The following DDX1 variants were observed in gnomAD, a reference collection of about 807,000 sequenced individuals.
DDX1 encodes the protein DEAD-box helicase 1.
DDX1 carries 28 observed loss-of-function variants against 108.7 expected under a neutral mutation model. The ratio of observed to expected loss-of-function variants is 0.26; its 90% CI spans 0.19 to 0.35. The LOEUF is 0.35. DDX1 is among the 10% of genes least tolerant of loss of function. The probability of loss-of-function intolerance (pLI) is 1.00; values close to 1 mark genes in which losing one functional copy is unlikely to be tolerated. For missense variants in DDX1, 710 were observed against 884.5 expected, an observed-to-expected ratio of 0.80 and a Z score of 2.50; for synonymous variants, 295 against 288.9, an observed-to-expected ratio of 1.02 and a Z score of -0.21.
chr2:15,596,645 T>C, intron 3 of DDX1, 89 bp from the exon 4 acceptor site: 1 of 1,132,744 alleles, frequency 8.8e-7, no homozygotes, highest in Non-Finnish European at 1.3e-6. Flanking sequence ...GCCAGTCAAA[T>C]GTTAAAGATT....
At chr2:15,615,470 T>C (rs1665878256) in intron 14 of DDX1, among the ~76,000 whole-genome samples, 1 of 152,250 alleles carries the variant, frequency 6.6e-6, no homozygotes. Context: ...CCTGTCTCAG[T>C]GTTTGGCACA....
intron 3 of DDX1, among the ~76,000 whole-genome samples, chr2:15,596,308 G>A (rs1323688048): frequency 6.6e-6 from 1 of 151,722 alleles, no homozygotes; most frequent in African/African-American, 2.4e-5. Flanking sequence ...ATGTGTCTGA[G>A]GGGGGATAAA....
rs1357137895 is a variant in DDX1, at chr2:15,592,210, C to G, written c.16+261C>G. Among the ~76,000 whole-genome samples the G allele has an allele frequency of 3.9e-5, 6 of 152,340 alleles. No individual in the cohort carries two copies. In the East Asian group the frequency reaches 9.7e-4, roughly 25 times the overall value. ...CTTCTACCAGTCTCCACTTGGCTTT[C>G]CTGCCAGTGCACCTTCGGCTGCAAA... On this transcript the variant is annotated intron_variant, in intron 1 of 25. Coordinates refer to ENST00000233084, the MANE Select transcript of DDX1 (RefSeq NM_004939.3).
intron 13 of DDX1, among the ~76,000 whole-genome samples, chr2:15,607,625 C>T (rs996481895): frequency 3.9e-5 from 6 of 151,902 alleles, no homozygotes; most frequent in African/African-American, 7.3e-5. Flanking sequence ...CTCAATCTGT[C>T]GCCCAGGCTG....
intron 7 of DDX1, 92 bp from the exon 8 acceptor site, chr2:15,603,100 C>T (rs945628382): frequency 5.9e-5 from 48 of 816,912 alleles, no homozygotes; most frequent in Non-Finnish European, 1.8e-5. Flanking sequence ...TGGTACATAC[C>T]TGTGTAATTC....
chr2:15,620,108 G>T (rs1406886659), intron 16 of DDX1, 100 bp from the exon 17 acceptor site: 4 of 1,076,608 alleles, frequency 3.7e-6, no homozygotes, highest in Non-Finnish European at 4.1e-6. Flanking sequence ...CTTATCTTTG[G>T]AGTCTAGGCT....
intron 1 of DDX1, 105 bp downstream of exon 1, chr2:15,592,054 G>A: frequency 9.2e-7 from 1 of 1,085,526 alleles, no homozygotes; most frequent in Non-Finnish European, 1.2e-6. Context: ...AGGGGTCAGG[G>A]AGACAGAAGG....
At chr2:15,594,659 A>G (rs1256489306) in intron 1 of DDX1, among the ~76,000 whole-genome samples, 1 of 152,068 alleles carries the variant, frequency 6.6e-6, no homozygotes, top group Non-Finnish European at 1.5e-5. Flanking sequence ...CCACTTGTCT[A>G]TTCATTTTTT....
chr2:15,596,641 C>A, intron 3 of DDX1, 93 bp from the exon 4 acceptor site: 2 of 1,107,236 alleles, frequency 1.8e-6, no homozygotes, highest in Non-Finnish European at 2.7e-6. Flanking sequence ...GGTAGCCAGT[C>A]AAATGTTAAA....
chr2:15,615,501 G>A (rs1369107155), intron 14 of DDX1, among the ~76,000 whole-genome samples: 2 of 151,964 alleles, frequency 1.3e-5, no homozygotes, highest in African/African-American at 4.8e-5. Context: ...TTAATACATT[G>A]GACAGATTTT....
Position 15,605,989 on chromosome 2 carries a change from T to C in DDX1, c.665T>C (p.Met222Thr). The stretch of plus-strand genomic sequence containing the variant: ...CTGGCATTTGAAATACCACCACATA[T>C]GAAAAACCAAGCCCTCTTTCCTGCC... The part of the protein sequence containing the change: ...LGLAFEIPPH[M>T]KNQALFPACV... Residue 222 changes from methionine (M) to threonine (T), a missense_variant, in exon 11 of 26, where the codon ATG becomes ACG. Physicochemically the swap from Met to Thr is moderately conservative, Grantham distance 81. Coordinates refer to ENST00000233084, the MANE Select transcript of DDX1 (RefSeq NM_004939.3). 5 of 1,586,034 alleles carry C rather than the reference T, an allele frequency of 3.2e-6. No homozygotes were observed. The highest frequency in any genetic ancestry group is 4.3e-6 in the Non-Finnish European group (5 of 1,170,852).
chr2:15,617,552 A>T (rs1186511694), intron 15 of DDX1, among the ~76,000 whole-genome samples: 1 of 152,164 alleles, frequency 6.6e-6, no homozygotes, highest in African/African-American at 2.4e-5. Context: ...GAAAAATTTT[A>T]AAAATGTAAT....
At chr2:15,595,385 G>A (rs1665481727) in intron 2 of DDX1, 105 bp from the exon 3 acceptor site, 8 of 985,422 alleles carry the variant, frequency 8.1e-6, no homozygotes, top group African/African-American at 1.6e-5. Context: ...AAGATGGATC[G>A]TATTTACCAC....
chr2:15,595,952 A>T (rs1665490105), intron 3 of DDX1, among the ~76,000 whole-genome samples: 1 of 152,060 alleles, frequency 6.6e-6, no homozygotes, highest in Admixed American at 6.6e-5. Context: ...TGGTGTGTTT[A>T]TAGTTCACTG....
In DDX1 at chr2:15,603,733, G is replaced by A. The variant is rs888376397; in HGVS notation, c.476-81G>A. On this transcript the variant is annotated intron_variant, in intron 8 of 25. Transcript: ENST00000233084. ...TGGGTTTATGAAATGGACATACTAT[G>A]TGAATAAAATTACTTCTTTTAGAGG... is the stretch of plus-strand genomic sequence containing the variant. 7 of 912,028 alleles carry A rather than the reference G, an allele frequency of 7.7e-6. No individual in the cohort carries two copies. In the East Asian group the frequency reaches 1.6e-4, roughly 21 times the overall value. The allele number at this position is 912,028 out of a possible 1,614,324, so 56.5% of individuals were successfully genotyped here.
In DDX1 at chr2:15,628,492, A is replaced by C. The variant is rs773409660; in HGVS notation, c.1734A>C (p.Gly578=). The change falls in exon 21 of 26, where the codon GGA becomes GGC. Residue 578 remains glycine (G), a synonymous_variant. Transcript: ENST00000233084. The part of the protein sequence containing the change: ...FLICTDVAAR[G]IDIHGVPYVI... The stretch of plus-strand genomic sequence containing the variant: ...TTTGCACAGATGTAGCTGCTAGAGG[A>C]ATTGATATCCACGGTGTTCCTTATG... The C allele has an allele frequency of 5.6e-6, 9 of 1,613,304 alleles. No individual in the cohort carries two copies. In the Admixed American group the frequency reaches 6.7e-5, roughly 12 times the overall value.
chr2:15,630,221 C>G, intron 25 of DDX1, 111 bp downstream of exon 25: 4 of 1,117,398 alleles, frequency 3.6e-6, no homozygotes, highest in Non-Finnish European at 5.2e-6. Flanking sequence ...ATATTTTTAG[C>G]GTGTTAATCA....
intron 13 of DDX1, among the ~76,000 whole-genome samples, chr2:15,612,103 T>A: frequency 1.7e-5 from 2 of 118,524 alleles, no homozygotes; most frequent in South Asian, 3.0e-4. Context: ...CCCCCCCACC[T>A]CCCTCCCGGA....
At chr2:15,629,893 C>A (rs369527894) in intron 24 of DDX1, 97 bp from the exon 25 acceptor site, 1 of 1,243,768 alleles carries the variant, frequency 8.0e-7, no homozygotes, top group Non-Finnish European at 1.1e-6. Context: ...TCCATTTATA[C>A]CAAGCATTCT....
Sources: allele counts gnomAD v4.1 joint callset (sites outside exome capture counted in the v4.1 genomes callset), GRCh38; gene constraint gnomAD v4.1.1; transcripts MANE v1.5; gene names NCBI Gene and HGNC (gene_info 2026-07-23, HGNC 2026-07-21).